RASA3: variants seen among roughly 807,000 people sequenced by gnomAD.
The protein encoded by RASA3 is RAS p21 protein activator 3.
A neutral mutation model predicts 110.0 loss-of-function variants in RASA3; 73 were observed. The ratio of observed to expected loss-of-function variants is 0.66; its 90% CI spans 0.55 to 0.81. The LOEUF (loss-of-function observed/expected upper bound fraction) is 0.81. Ranked by LOEUF, RASA3 falls within the 30% of genes least tolerant of loss-of-function variation. RASA3 has a pLI of 0.00. For missense variants in RASA3, 976 were observed against 1,113.2 expected (o/e 0.88, Z 1.75); for synonymous variants, 500 against 451.4 (o/e 1.11, Z -1.37).
At position 114,114,664 on chromosome 13, in the gene RASA3, T is replaced by C. The variant is rs1235185286; in HGVS notation, c.55+17771A>G. 6.6e-6 allele frequency among the ~76,000 whole-genome samples: 1 copy of C among 152,226 alleles called. No homozygotes were observed. Among genetic ancestry groups the C allele is most frequent in the Non-Finnish European group, 1.5e-5 (1 of 68,038 alleles). On this transcript the variant is annotated intron_variant, in intron 1 of 23. Transcript: ENST00000334062. The surrounding 1 kb of genome is among the most constrained non-coding windows in gnomAD (Gnocchi z 4.8). Reference sequence around the variant, plus strand: ...TAATTGACTCGTAAAAGCAACTTGTTTTTCTTCATCCTTCGCCGACCTTTG... The same window carrying C: ...TAATTGACTCGTAAAAGCAACTTGTCTTTCTTCATCCTTCGCCGACCTTTG...
In RASA3 at chr13:114,015,530, T is replaced by C. The variant is rs1241626675; in HGVS notation, c.1282-198A>G. 2.0e-5 allele frequency among the ~76,000 whole-genome samples: 3 copies of C among 152,212 alleles called. No individual in the cohort carries two copies. In the East Asian group the frequency reaches 5.8e-4, roughly 29 times the overall value. On this transcript the variant is annotated intron_variant, in intron 13 of 23. Coordinates refer to ENST00000334062, the MANE Select transcript of RASA3 (RefSeq NM_007368.4). The stretch of plus-strand genomic sequence containing the variant: ...GTGGCAATTCACGCGTGAAAATCAC[T>C]ACACAGGCACCACGTCGGCTCCCCG...
chr13:114,073,974 G>T, intron 1 of RASA3, 137 bp from the exon 2 acceptor site: 1 of 760,338 alleles, frequency 1.3e-6, no homozygotes. Context: ...GCCACCACAA[G>T]TCAAAATGTG....
At chr13:114,013,388 CCT>C (rs1405706112) in intron 14 of RASA3, 140 bp from the exon 15 acceptor site, 10 of 601,104 alleles carry the variant, frequency 1.7e-5, no homozygotes, top group African/African-American at 3.7e-5. Flanking sequence ...TGTCTCTCTC[CCT>C]CTCTCTGTTT....
At chr13:114,106,312 T>TC in intron 1 of RASA3, among the ~76,000 whole-genome samples, 1 of 152,308 alleles carries the variant, frequency 6.6e-6, no homozygotes, top group Middle Eastern at 3.4e-3. Context: ...TGCCAGGCTT[T>TC]CAGTGGGGAC....
intron 14 of RASA3, among the ~76,000 whole-genome samples, chr13:114,013,934 C>CT (rs2053723999): frequency 5.0e-5 from 6 of 120,532 alleles, no homozygotes; most frequent in East Asian, 2.5e-4. Flanking sequence ...GTCTCTCTCT[C>CT]CCTGTCTCTA....
chr13:114,042,190 C>T (rs551024646), intron 3 of RASA3, among the ~76,000 whole-genome samples: 18 of 152,366 alleles, frequency 1.2e-4, no homozygotes, highest in African/African-American at 2.9e-4. Flanking sequence ...ATCCCATCCC[C>T]GGCAGGACAG....
At chr13:114,015,435 C>G (rs988658843) in intron 13 of RASA3, 103 bp from the exon 14 acceptor site, 2 of 1,464,864 alleles carry the variant, frequency 1.4e-6, no homozygotes, top group East Asian at 2.3e-5. Context: ...GGGCTGAGGG[C>G]GGGCGCAGGG....
intron 17 of RASA3, 31 bp from the exon 18 acceptor site, chr13:114,007,637 G>A (rs2053545878): frequency 5.7e-6 from 9 of 1,565,798 alleles, no homozygotes; most frequent in Middle Eastern, 1.7e-4. Flanking sequence ...GTCACCGGGA[G>A]GAAGCCACAC....
At chr13:113,998,885 A>C (rs1019157013) in intron 20 of RASA3, among the ~76,000 whole-genome samples, 24 of 152,208 alleles carry the variant, frequency 1.6e-4, no homozygotes, top group Admixed American at 1.2e-3. Context: ...AGCCGGAAGA[A>C]CGGGACTGGA....
At chr13:114,030,839 AGCTGTGTGTCCTCCTGTGTGTGCG>A (rs1168355414) in intron 4 of RASA3, among the ~76,000 whole-genome samples, 1 of 150,080 alleles carries the variant, frequency 6.7e-6, no homozygotes, top group Non-Finnish European at 1.5e-5. Flanking sequence ...GTGTGTGTGC[AGCTGTGTGTCCTCCTGTGTGTGCG>A]GCTGTGTGTC....
chr13:114,053,357 G>A (rs2079186183), intron 2 of RASA3, among the ~76,000 whole-genome samples: 1 of 152,248 alleles, frequency 6.6e-6, no homozygotes, highest in South Asian at 2.1e-4. Flanking sequence ...CTGTTGTCCT[G>A]GGCTGGCACA....
At chr13:114,042,487 G>A (rs2054432585) in intron 3 of RASA3, among the ~76,000 whole-genome samples, 1 of 152,226 alleles carries the variant, frequency 6.6e-6, no homozygotes, top group Non-Finnish European at 1.5e-5. Context: ...AGACACACAC[G>A]CCCTCCTTAA....
chr13:113,982,967 C>G (rs892273807), intron 22 of RASA3, among the ~76,000 whole-genome samples: 2 of 152,104 alleles, frequency 1.3e-5, no homozygotes, highest in African/African-American at 2.4e-5. Context: ...TCTGTAACCA[C>G]CCAGCCTATG....
chr13:114,058,017 C>A (rs1328645986), intron 2 of RASA3, among the ~76,000 whole-genome samples: 1 of 152,124 alleles, frequency 6.6e-6, no homozygotes, highest in Admixed American at 6.5e-5. Flanking sequence ...CAGGTCACTT[C>A]CCCAGGTGTG....
Position 113,995,850 on chromosome 13 carries a change from C to T in RASA3, c.2141+681G>A, listed in dbSNP as rs868718032. 8.9e-4 allele frequency among the ~76,000 whole-genome samples: 28 copies of T among 31,300 alleles called. 4 individuals are homozygous for T. The South Asian group carries it at 9.9e-3, about 11-fold the overall frequency. The allele number at this position is 31,300 out of a possible 152,430, so 20.5% of individuals were successfully genotyped here. On this transcript the variant is annotated intron_variant, in intron 21 of 23. Coordinates refer to ENST00000334062, the MANE Select transcript of RASA3 (RefSeq NM_007368.4). ...CCCGGCTGACGGGGGGCCCGGCTGA[C>T]GGGGGGCCCGGCTGATGGGGAGGCC...
chr13:114,005,776 TCC>T (rs79965139), intron 18 of RASA3, among the ~76,000 whole-genome samples: 5,726 of 38,986 alleles, frequency 0.15, 625 homozygotes, highest in African/African-American at 0.36. Context: ...CTTACCCTTC[TCC>T]CCCCTCCTGC....
At chr13:114,000,755 G>A (rs1017109205) in intron 19 of RASA3, 71 bp downstream of exon 19, 14 of 1,193,342 alleles carry the variant, frequency 1.2e-5, no homozygotes, top group Admixed American at 8.5e-5. Flanking sequence ...CTCTCCCCCT[G>A]AAAAAGCAGA....
At chr13:114,017,122 G>A in intron 12 of RASA3, 115 bp downstream of exon 12, 2 of 920,412 alleles carry the variant, frequency 2.2e-6, no homozygotes, top group Admixed American at 1.8e-5. Flanking sequence ...CGAGGCCAGA[G>A]GGGCCGACAT....
intron 1 of RASA3, among the ~76,000 whole-genome samples, chr13:114,126,520 G>C (rs1168975393): frequency 2.0e-5 from 3 of 151,424 alleles, no homozygotes; most frequent in Admixed American, 6.6e-5. Context: ...TCAGGAGCAA[G>C]TTGAAAGCCA....
Sources: allele counts gnomAD v4.1 joint callset (sites outside exome capture counted in the v4.1 genomes callset), GRCh38; gene constraint gnomAD v4.1.1; non-coding constraint Gnocchi (gnomAD v3.1); transcripts MANE v1.5; gene names NCBI Gene and HGNC (gene_info 2026-07-23, HGNC 2026-07-21).